The following PHYKPL variants were observed in gnomAD, a reference collection of about 807,000 sequenced individuals.
PHYKPL encodes the protein 5-phosphohydroxy-L-lysine phospho-lyase, also known as 5-phosphonooxy-L-lysine phospho-lyase.
Under a neutral mutation model 51.3 loss-of-function variants are expected in PHYKPL, and 42 were observed. The ratio of observed to expected loss-of-function variants is 0.82; its 90% CI spans 0.64 to 1.06. The LOEUF is 1.06. Ranked by LOEUF, PHYKPL falls within the 50% of genes least tolerant of loss-of-function variation. PHYKPL has a pLI of 0.00. For synonymous variants in PHYKPL, 264 were observed against 236.0 expected (o/e 1.12, Z -1.09); for missense variants, 655 against 586.6 (o/e 1.12, Z -1.20).
intron 11 of PHYKPL, among the ~76,000 whole-genome samples, 156 bp from the exon 12 acceptor site, chr5:178,212,126 C>G (rs139467745): frequency 1.3e-5 from 2 of 152,360 alleles, no homozygotes; most frequent in African/African-American, 4.8e-5. Flanking sequence ...CAGCAGTTTC[C>G]TGAAAAACAA....
chr5:178,222,617 T>C (rs376845758), intron 7 of PHYKPL, 37 bp from the exon 8 acceptor site: 40 of 1,603,278 alleles, frequency 2.5e-5, no homozygotes, highest in Middle Eastern at 1.7e-4. Context: ...GGGGCTGTGG[T>C]TGAGAGGGAT....
At chr5:178,220,132 C>CTGCA (rs1760838219) in intron 8 of PHYKPL, among the ~76,000 whole-genome samples, 1 of 146,240 alleles carries the variant, frequency 6.8e-6, no homozygotes, top group Admixed American at 7.1e-5. Context: ...GAAGTAAAGG[C>CTGCA]TGCAGTGAGC....
In PHYKPL at chr5:178,215,294, G is replaced by A. The variant is rs777853954; in HGVS notation, c.1064C>T (p.Pro355Leu). 6.2e-7 allele frequency: 1 copy of A among 1,614,080 alleles called. No homozygotes were observed. Among genetic ancestry groups the A allele is most frequent in the Non-Finnish European group, 8.5e-7 (1 of 1,179,984 alleles). ...QLLGQQKIKH[P>L]IVGDVRGVGL... ...GCCTCACCTGACATCCCCGACGATG[G>A]GATGTTTGATTTTTTGCTGCCCGAG... is the stretch of plus-strand genomic sequence containing the variant. Residue 355 changes from proline to leucine, a missense_variant, in exon 9 of 13, where the codon CCC (proline) becomes CTC (leucine). Transcript: ENST00000308158.
At chr5:178,210,830 A>T in intron 12 of PHYKPL, 1 of 591,704 alleles carries the variant, frequency 1.7e-6, no homozygotes, top group Non-Finnish European at 3.0e-6. Flanking sequence ...CTGAGAGGCC[A>T]TAGCGCCATC....
chr5:178,229,070 G>A (rs1167319503), intron 3 of PHYKPL, among the ~76,000 whole-genome samples: 1 of 150,996 alleles, frequency 6.6e-6, no homozygotes, highest in Non-Finnish European at 1.5e-5. Context: ...GTTCTGTGTG[G>A]TGACCAACCT....
At chr5:178,210,520 A>C (rs1757919001) in intron 12 of PHYKPL, 8 of 1,606,364 alleles carry the variant, frequency 5.0e-6, no homozygotes, top group Non-Finnish European at 6.8e-6. Context: ...AATGCTTGTA[A>C]ATAGTAGCTG....
intron 3 of PHYKPL, among the ~76,000 whole-genome samples, chr5:178,229,103 A>ATTTTTT (rs55725801): frequency 8.5e-6 from 1 of 118,290 alleles, no homozygotes; most frequent in Non-Finnish European, 1.7e-5. Context: ...TGATGAGACT[A>ATTTTTT]TTTTTTTTTT....
rs917536309 is a variant in PHYKPL at position 178,224,684 on chromosome 5, G to A, written c.459C>T (p.Tyr153=). 1.9e-6 allele frequency: 3 copies of A among 1,614,116 alleles called. No individual in the cohort carries two copies. Among genetic ancestry groups the A allele is most frequent in the Non-Finnish European group, 2.5e-6 (3 of 1,180,048 alleles). The part of the protein sequence containing the change: ...HLSSLIDISP[Y]KFRNLDGQKE... Reference sequence around the variant, plus strand: ...TCTGGCCATCCAGGTTGCGGAACTTGTAGGGACTGATGTCAATCAGGGAGC... The same window carrying A: ...TCTGGCCATCCAGGTTGCGGAACTTATAGGGACTGATGTCAATCAGGGAGC... The change falls in exon 5 of 13, where the codon TAC becomes TAT. Residue 153 remains tyrosine, a synonymous_variant. Transcript: ENST00000308158.
chr5:178,225,107 T>C, intron 4 of PHYKPL: 1 of 582,404 alleles, frequency 1.7e-6, no homozygotes. Flanking sequence ...ATGTACAATG[T>C]TGTGGGACCA....
intron 9 of PHYKPL, 150 bp from the exon 10 acceptor site, chr5:178,215,035 T>G (rs1759470730): frequency 1.2e-6 from 1 of 843,510 alleles, no homozygotes; most frequent in East Asian, 2.7e-5. Flanking sequence ...AGGGAATAAC[T>G]GGGCTGGGAG....
At chr5:178,221,104 T>G (rs1469767851) in intron 8 of PHYKPL, among the ~76,000 whole-genome samples, 1 of 152,154 alleles carries the variant, frequency 6.6e-6, no homozygotes, top group Admixed American at 6.5e-5. Flanking sequence ...GCTTAGAACA[T>G]TAATAAAGGT....
Position 178,232,477 on chromosome 5 carries a change from C to A in PHYKPL, c.59+15G>T. On this transcript the variant is annotated intron_variant, in intron 1 of 12. Coordinates refer to ENST00000308158, the MANE Select transcript of PHYKPL (RefSeq NM_153373.4). ...CAGCCCCGCGCCCCCCGCCGCCCGC[C>A]CCCCGCCCGGGTACCTGATGAGCCG... 7.3e-7 allele frequency: 1 copy of A among 1,367,326 alleles called. No individual in the cohort carries two copies. The highest frequency in any genetic ancestry group is 9.4e-7 in the Non-Finnish European group (1 of 1,068,446). 84.7% of individuals were successfully genotyped at this position (1,367,326 alleles called of 1,614,324 possible).
At chr5:178,228,556 T>C (rs1156714829) in intron 3 of PHYKPL, 38 of 702,522 alleles carry the variant, frequency 5.4e-5, no homozygotes, top group Non-Finnish European at 9.6e-5. Flanking sequence ...ATGTCTGGGC[T>C]CAAGTTCCTT....
chr5:178,217,664 C>T (rs1183251283), intron 8 of PHYKPL, among the ~76,000 whole-genome samples: 16 of 150,990 alleles, frequency 1.1e-4, no homozygotes. Context: ...CGAGACCATC[C>T]TGGCTAACAT....
chr5:178,218,227 AAAAAAAAAAAAG>A (rs1760340273), intron 8 of PHYKPL, among the ~76,000 whole-genome samples: 3 of 150,306 alleles, frequency 2.0e-5, no homozygotes, highest in Admixed American at 2.0e-4. Context: ...AAAAAAAAAA[AAAAAAAAAAAAG>A]AAAGAAAAGA....
At chr5:178,209,439 G>C (rs71611419) in intron 12 of PHYKPL, 8 of 1,613,650 alleles carry the variant, frequency 5.0e-6, no homozygotes, top group Non-Finnish European at 5.9e-6. Flanking sequence ...GGTGGTGGTG[G>C]AGGTGGAGGT....
intron 6 of PHYKPL, chr5:178,223,404 A>G (rs1761606607): frequency 6.6e-6 from 3 of 456,260 alleles, no homozygotes; most frequent in South Asian, 3.1e-5. Context: ...CATCCTCCAC[A>G]TGGCCACCAG....
chr5:178,209,303 C>T, intron 12 of PHYKPL: 1 of 1,592,320 alleles, frequency 6.3e-7, no homozygotes, highest in Non-Finnish European at 8.6e-7. Context: ...GTCCTACTGG[C>T]CTGACCACTG....
At chr5:178,218,531 C>T (rs1029687983) in intron 8 of PHYKPL, among the ~76,000 whole-genome samples, 9 of 152,136 alleles carry the variant, frequency 5.9e-5, no homozygotes, top group Non-Finnish European at 1.2e-4. Flanking sequence ...CTCACCCTTT[C>T]GACAATATGA....
Sources: allele counts gnomAD v4.1 joint callset (sites outside exome capture counted in the v4.1 genomes callset), GRCh38; gene constraint gnomAD v4.1.1; transcripts MANE v1.5; gene names NCBI Gene and HGNC (gene_info 2026-07-23, HGNC 2026-07-21).